The following HDAC3 variants were observed in gnomAD, a reference collection of about 807,000 sequenced individuals.
The protein encoded by HDAC3 is SMAP45.
Under a neutral mutation model 62.3 loss-of-function variants are expected in HDAC3, and 21 were observed. The observed-to-expected ratio is 0.34, with a 90% confidence interval of 0.24 to 0.49. HDAC3 has a LOEUF of 0.49. HDAC3 is among the 20% of genes least tolerant of loss of function. The pLI is 0.99. For synonymous variants in HDAC3, 198 were observed against 206.5 expected (o/e 0.96, Z 0.35); for missense variants, 270 against 556.9 (o/e 0.48, Z 5.19).
chr5:141,625,402 CAG>C lies in HDAC3; in HGVS notation c.1060-39_1060-38del. 1 of 1,607,924 alleles carries C rather than the reference CAG, an allele frequency of 6.2e-7. No homozygotes were observed. ...TGAGGAATACAGAGTGAGCAGTTTC[CAG>C]AGATTCCCAGGACATGGAATCTCCT... is the stretch of plus-strand genomic sequence containing the variant. On this transcript the variant is annotated intron_variant, in intron 13 of 14. Transcript: ENST00000305264. This position sits in a 1 kb window ranked among gnomAD's most constrained non-coding sequence, Gnocchi z 4.0.
In HDAC3 at chr5:141,621,231, G is replaced by A; in HGVS notation, c.*237C>T. 2.0e-6 allele frequency: 1 copy of A among 495,750 alleles called. No homozygotes were observed. The highest frequency in any genetic ancestry group is 3.6e-6 in the Non-Finnish European group (1 of 277,548). 30.7% of individuals were successfully genotyped at this position (495,750 alleles called of 1,614,324 possible). The stretch of plus-strand genomic sequence containing the variant: ...GCCTCCAGGGCCCACTGCCAATAAT[G>A]TCCCAGATAGCTATCCTTGTCTGTA... On this transcript the variant is annotated 3_prime_UTR_variant, in exon 15 of 15. Coordinates refer to ENST00000305264, the MANE Select transcript of HDAC3 (RefSeq NM_003883.4).
At chr5:141,627,989 T>G (rs2099904691) in intron 9 of HDAC3, 32 bp from the exon 10 acceptor site, 2 of 1,606,552 alleles carry the variant, frequency 1.2e-6, no homozygotes, top group African/African-American at 2.7e-5. Flanking sequence ...GAAAGTGCAG[T>G]GATCAGAACT....
In HDAC3 at chr5:141,628,511, G is replaced by T; in HGVS notation, c.691+48C>A. The T allele has an allele frequency of 6.8e-7, 1 of 1,463,996 alleles. No individual in the cohort carries two copies. Among genetic ancestry groups the T allele is most frequent in the Non-Finnish European group, 9.6e-7 (1 of 1,043,594 alleles). The allele number at this position is 1,463,996 out of a possible 1,614,324, so 90.7% of individuals were successfully genotyped here. ...ACCAGGCAGAAGAGGTTATTTCAAG[G>T]AGAAAAAGAAGGGGCCTAGGGAACA... On this transcript the variant is annotated intron_variant, in intron 8 of 14. Transcript: ENST00000305264. The surrounding 1 kb of genome is among the most constrained non-coding windows in gnomAD (Gnocchi z 4.7).
At position 141,630,085 on chromosome 5, in the gene HDAC3, T is replaced by C. The variant is rs781748705; in HGVS notation, c.322A>G (p.Thr108Ala). 1 of 1,614,036 alleles carries C rather than the reference T, an allele frequency of 6.2e-7. No homozygotes were observed. Among genetic ancestry groups the C allele is most frequent in the Non-Finnish European group, 8.5e-7 (1 of 1,180,052 alleles). Reference protein sequence around the residue: ...PGLFEFCSRYTGASLQGATQL... With the variant: ...PGLFEFCSRYAGASLQGATQL... ...GTTGCTCCTTGCAGAGATGCGCCTG[T>C]GTAACGCGAGCAGAACTCAAAGAGC... Residue 108 changes from threonine (T) to alanine (A), a missense_variant, in exon 4 of 15, where the codon ACA (threonine) becomes GCA (alanine). Physicochemically the swap from Thr to Ala is moderately conservative, Grantham distance 58. Around this residue, in one of 5 missense-constraint regions of HDAC3, gnomAD observed 156 missense variants for 383.9 expected, o/e 0.41. Coordinates refer to ENST00000305264, the MANE Select transcript of HDAC3 (RefSeq NM_003883.4).
intron 14 of HDAC3, among the ~76,000 whole-genome samples, chr5:141,622,612 A>AG (rs2099903868): frequency 6.6e-6 from 1 of 151,948 alleles, no homozygotes; most frequent in African/African-American, 2.4e-5. Context: ...AAAAAAAAAA[A>AG]AGAAAGAAAA....
In HDAC3 at chr5:141,628,245, C is replaced by T; in HGVS notation, c.692-58G>A. ...CCCAAGGGGATGGGGAGACAGGGAACAAAAGGAAAAAGGGGGTTGAGCGAG... is the reference window on the plus strand; with the variant it reads ...CCCAAGGGGATGGGGAGACAGGGAATAAAAGGAAAAAGGGGGTTGAGCGAG... On this transcript the variant is annotated intron_variant, in intron 8 of 14. Transcript: ENST00000305264. This position sits in a 1 kb window ranked among gnomAD's most constrained non-coding sequence, Gnocchi z 4.7. 2 of 1,462,314 alleles carry T rather than the reference C, an allele frequency of 1.4e-6. No homozygotes were observed. The highest frequency in any genetic ancestry group is 1.9e-6 in the Non-Finnish European group (2 of 1,045,234). 90.6% of individuals were successfully genotyped at this position (1,462,314 alleles called of 1,614,324 possible). A position where few individuals can be genotyped will look rare whatever the true frequency, so the allele number is the denominator to read the frequency against.
Position 141,626,166 on chromosome 5 carries a change from C to G in HDAC3, c.920+28G>C, listed in dbSNP as rs1432140003. 1 of 1,611,328 alleles carries G rather than the reference C, an allele frequency of 6.2e-7. No individual in the cohort carries two copies. Among genetic ancestry groups the G allele is most frequent in the East Asian group, 2.2e-5 (1 of 44,854 alleles). On this transcript the variant is annotated intron_variant, in intron 11 of 14. Transcript: ENST00000305264. The surrounding 1 kb of genome is among the most constrained non-coding windows in gnomAD (Gnocchi z 4.6). ...GGACACCCTAGCTCACACTGGACAACAGGGGAGGAAATCAGGAGAGTGCTC... is the reference window on the plus strand; with the variant it reads ...GGACACCCTAGCTCACACTGGACAAGAGGGGAGGAAATCAGGAGAGTGCTC...
intron 10 of HDAC3, 129 bp downstream of exon 10, chr5:141,627,764 C>T (rs1172414690): frequency 1.3e-6 from 1 of 790,624 alleles, no homozygotes; most frequent in Non-Finnish European, 2.2e-6. Context: ...ATTTCTAGTT[C>T]AAGTACAATT....
At chr5:141,627,746 A>G in intron 10 of HDAC3, 147 bp downstream of exon 10, 1 of 725,212 alleles carries the variant, frequency 1.4e-6, no homozygotes, top group South Asian at 1.6e-5. Flanking sequence ...AACCCTGTTC[A>G]AGATGACATT....
intron 3 of HDAC3, among the ~76,000 whole-genome samples, chr5:141,633,825 C>CAA (rs11291105): frequency 0.014 from 970 of 71,688 alleles, 3 homozygotes; most frequent in Non-Finnish European, 0.018. Flanking sequence ...GACTCTGTCT[C>CAA]AAAAAAAAAA....
In HDAC3 at chr5:141,629,957, C is replaced by T; in HGVS notation, c.364-41G>A. The T allele has an allele frequency of 6.2e-7, 1 of 1,613,434 alleles. No homozygotes were observed. Among genetic ancestry groups the T allele is most frequent in the Non-Finnish European group, 8.5e-7 (1 of 1,179,338 alleles). ...CTAAGTCACAGTCCTTCCTGCCCAC[C>T]CCTCAAGCTGGGAGCCCAGGATCAG... On this transcript the variant is annotated intron_variant, in intron 4 of 14. Transcript: ENST00000305264. The surrounding 1 kb of genome is among the most constrained non-coding windows in gnomAD (Gnocchi z 5.3).
rs1490925372 is a variant in HDAC3, at chr5:141,626,576, T to C, written c.831-293A>G. ...AACCCAAGTTCTGTCAATTCTAGCC[T>C]TGAAAATATAACTCACGCCCGGCGC... is the stretch of plus-strand genomic sequence containing the variant. On this transcript the variant is annotated intron_variant, in intron 10 of 14. Transcript: ENST00000305264. The surrounding 1 kb of genome is among the most constrained non-coding windows in gnomAD (Gnocchi z 4.6). 2 of 390,584 alleles carry C rather than the reference T, an allele frequency of 5.1e-6. No homozygotes were observed. Among genetic ancestry groups the C allele is most frequent in the Non-Finnish European group, 9.6e-6 (2 of 207,542 alleles). The allele number at this position is 390,584 out of a possible 1,614,324, so 24.2% of individuals were successfully genotyped here.
rs551789546 is a variant in HDAC3, at chr5:141,636,807, G to C, written c.-17C>G. 6.5e-6 allele frequency: 10 copies of C among 1,550,076 alleles called. No homozygotes were observed. The highest frequency in any genetic ancestry group is 3.7e-5 in the South Asian group (3 of 81,678). ...CTTGGCCATGGTGCCGGCGGGAGCA[G>C]GCCCCGCACCTCCGCCGCCCGCCGC... On this transcript the variant is annotated 5_prime_UTR_variant, in exon 1 of 15. Transcript: ENST00000305264.
intron 14 of HDAC3, among the ~76,000 whole-genome samples, chr5:141,622,882 A>G (rs1258886568): frequency 6.6e-5 from 10 of 152,144 alleles, no homozygotes; most frequent in Non-Finnish European, 1.5e-4. Context: ...GCACTTTGGG[A>G]GGCCGAGGCA....
At chr5:141,636,696 T>C (rs1451517632) in intron 1 of HDAC3, 40 bp downstream of exon 1, 1 of 1,613,236 alleles carries the variant, frequency 6.2e-7, no homozygotes, top group Admixed American at 1.7e-5. Context: ...CCTCAAAACC[T>C]CCGTGTCCCA....
rs764080866 is a variant in HDAC3, at chr5:141,621,469, TA to T, written c.1285del (p.Ter429LysfsTer27). 6 of 1,613,664 alleles carry T rather than the reference TA, an allele frequency of 3.7e-6. No individual in the cohort carries two copies. The highest frequency in any genetic ancestry group is 5.1e-6 in the Non-Finnish European group (6 of 1,179,648). Reference protein sequence around the residue: ...DNDKESDVEI* With the variant: ...DNDKESDVEIX ...GGGACACAGCATCCCAAGCCACTCTTAAATCTCCACATCGCTTTCCTTGTCA... is the reference window on the plus strand; with the variant it reads ...GGGACACAGCATCCCAAGCCACTCTTAATCTCCACATCGCTTTCCTTGTCA... On this transcript the variant is annotated frameshift_variant and stop_lost, in exon 15 of 15. Coordinates refer to ENST00000305264, the MANE Select transcript of HDAC3 (RefSeq NM_003883.4). LOFTEE classifies it high-confidence loss of function.
In HDAC3 at chr5:141,629,636, T is replaced by A; in HGVS notation, c.476+48A>T. The A allele has an allele frequency of 6.3e-7, 1 of 1,589,670 alleles. No individual in the cohort carries two copies. Among genetic ancestry groups the A allele is most frequent in the Non-Finnish European group, 8.6e-7 (1 of 1,160,976 alleles). On this transcript the variant is annotated intron_variant, in intron 6 of 14. Transcript: ENST00000305264. This position sits in a 1 kb window ranked among gnomAD's most constrained non-coding sequence, Gnocchi z 5.3. The stretch of plus-strand genomic sequence containing the variant: ...TCAGGGTTGAGACTGAGAGACCTCC[T>A]CAGCCAAGAATCCCGTAACTGCCCC...
intron 3 of HDAC3, among the ~76,000 whole-genome samples, chr5:141,634,546 A>G (rs563207829): frequency 6.6e-6 from 1 of 152,280 alleles, no homozygotes; most frequent in African/African-American, 2.4e-5. Flanking sequence ...CACTCTCATA[A>G]TCTGTCATAC....
At chr5:141,632,999 G>C (rs928665668) in intron 3 of HDAC3, among the ~76,000 whole-genome samples, 1 of 152,114 alleles carries the variant, frequency 6.6e-6, no homozygotes, top group East Asian at 1.9e-4. Context: ...ATGTGACTAC[G>C]GCTAAGTTAC....
Sources: gnomAD v4.1 joint callset for allele counts (sites outside exome capture counted in the v4.1 genomes callset) on GRCh38, gnomAD v4.1.1 for gene constraint, gnomAD v4.1.1 regional missense constraint, Gnocchi (gnomAD v3.1) non-coding constraint, MANE v1.5 for transcripts, NCBI Gene and HGNC (gene_info 2026-07-23, HGNC 2026-07-21) for gene names.